The following MRTFB variants were observed in gnomAD, a reference collection of about 807,000 sequenced individuals.
The protein encoded by MRTFB is myocardin-related transcription factor B.
MRTFB carries 29 observed loss-of-function variants against 104.2 expected under a neutral mutation model. That is an observed-to-expected ratio of 0.28 (90% confidence interval 0.21 to 0.38). The LOEUF is 0.38. Among genes scored for constraint, MRTFB ranks in the 10% least tolerant of loss-of-function variants. MRTFB has a pLI of 1.00. For missense variants in MRTFB, 1,270 were observed against 1,341.6 expected, an observed-to-expected ratio of 0.95 and a Z score of 0.83; for synonymous variants, 535 against 519.5, an observed-to-expected ratio of 1.03 and a Z score of -0.41.
intron 8 of MRTFB, among the ~76,000 whole-genome samples, chr16:14,230,469 A>G (rs916712145): frequency 1.2e-4 from 19 of 152,116 alleles, no homozygotes; most frequent in African/African-American, 2.2e-4. Flanking sequence ...AAAAGTGGGC[A>G]AAGGACATGA....
the MRTFB span, among the ~76,000 whole-genome samples, chr16:13,997,645 T>C: frequency 7.1e-6 from 1 of 141,180 alleles, no homozygotes; most frequent in Non-Finnish European, 1.5e-5. Context: ...AAAAAAAAAA[T>C]AGCTGGGTAT....
chr16:13,998,454 G>A, the MRTFB span, among the ~76,000 whole-genome samples: 26 of 152,164 alleles, frequency 1.7e-4, no homozygotes, highest in African/African-American at 6.0e-4. Context: ...TTCAAGACCA[G>A]CATGGGCAAC....
chr16:14,044,751 A>C, the MRTFB span, among the ~76,000 whole-genome samples: 1 of 152,192 alleles, frequency 6.6e-6, no homozygotes, highest in Non-Finnish European at 1.5e-5. Context: ...TTGTCATTTC[A>C]GATTTCCTTC....
intron 10 of MRTFB, 127 bp downstream of exon 10, chr16:14,240,611 T>C (rs2042724466): frequency 1.4e-6 from 2 of 1,466,400 alleles, no homozygotes; most frequent in Non-Finnish European, 1.9e-6. Context: ...TTCTTTGTTA[T>C]CAGAGCTTAT....
intron 3 of MRTFB, among the ~76,000 whole-genome samples, chr16:14,146,701 TG>T (rs2038336982): frequency 6.6e-6 from 1 of 152,188 alleles, no homozygotes; most frequent in South Asian, 2.1e-4. Context: ...TGGCCTTTTT[TG>T]GGGGTTTCAC....
chr16:14,048,750 T>C, the MRTFB span, among the ~76,000 whole-genome samples: 1 of 152,222 alleles, frequency 6.6e-6, no homozygotes, highest in Non-Finnish European at 1.5e-5. Context: ...TGGGTAATGA[T>C]ACAGCTTTTC....
intron 1 of MRTFB, among the ~76,000 whole-genome samples, chr16:14,078,961 C>T (rs2034234880): frequency 1.3e-5 from 2 of 152,054 alleles, no homozygotes; most frequent in African/African-American, 2.4e-5. Flanking sequence ...GTTACTTACC[C>T]CAGATCACAC....
intron 2 of MRTFB, among the ~76,000 whole-genome samples, chr16:14,111,816 T>C (rs566378034): frequency 6.6e-6 from 1 of 152,230 alleles, no homozygotes; most frequent in South Asian, 2.1e-4. Flanking sequence ...TCACCCTCAA[T>C]TGATGGCTTT....
chr16:14,007,409 G>T, the MRTFB span, among the ~76,000 whole-genome samples: 6 of 152,166 alleles, frequency 3.9e-5, no homozygotes, highest in Non-Finnish European at 8.8e-5. Flanking sequence ...GCAGGGATCA[G>T]TTCTTCATTA....
At chr16:14,254,901 ACAG>A (rs2043413837) in intron 15 of MRTFB, among the ~76,000 whole-genome samples, 1 of 152,276 alleles carries the variant, frequency 6.6e-6, no homozygotes, top group Non-Finnish European at 1.5e-5. Context: ...AACTACTATT[ACAG>A]CTGTCCTCAG....
chr16:14,028,679 C>G, the MRTFB span, among the ~76,000 whole-genome samples: 1 of 152,156 alleles, frequency 6.6e-6, no homozygotes, highest in Non-Finnish European at 1.5e-5. Flanking sequence ...GGTTGGAGTC[C>G]CAACCGCAAC....
intron 3 of MRTFB, among the ~76,000 whole-genome samples, chr16:14,207,673 A>G (rs1403907714): frequency 3.3e-5 from 5 of 152,202 alleles, no homozygotes; most frequent in Non-Finnish European, 7.3e-5. Context: ...GTATACCTAG[A>G]GAGGGCATGG....
At chr16:14,117,223 G>A (rs1389936858) in intron 2 of MRTFB, among the ~76,000 whole-genome samples, 1 of 152,232 alleles carries the variant, frequency 6.6e-6, no homozygotes, top group African/African-American at 2.4e-5. Flanking sequence ...CAACCAGGAA[G>A]CATTTGTTAA....
intron 2 of MRTFB, among the ~76,000 whole-genome samples, chr16:14,112,708 G>T (rs1418816896): frequency 1.3e-5 from 2 of 152,198 alleles, no homozygotes; most frequent in East Asian, 3.9e-4. Context: ...TGCTTGGTGT[G>T]TTGAGCACAC....
At chr16:14,165,123 C>G (rs2039188284) in intron 3 of MRTFB, among the ~76,000 whole-genome samples, 1 of 151,592 alleles carries the variant, frequency 6.6e-6, no homozygotes, top group Non-Finnish European at 1.5e-5. Flanking sequence ...GCTTAGTTTC[C>G]TATCAGATGG....
intron 2 of MRTFB, among the ~76,000 whole-genome samples, chr16:14,133,896 A>G (rs747387669): frequency 3.3e-4 from 50 of 152,318 alleles, no homozygotes; most frequent in African/African-American, 1.1e-3. Context: ...TCAAACTGAA[A>G]AGACTTGGGT....
In MRTFB at chr16:14,261,180, C is replaced by A. The variant is rs141253883; in HGVS notation, c.3036C>A (p.Ile1012=). ...AAGACAGAGAGCCCTTCTCTCTGAT[C>A]GAGGACCTCCAGAATGATCTGCTGA... ...SSEDREPFSL[I]EDLQNDLLSH... The change falls in exon 17 of 17, where the codon ATC becomes ATA. Residue 1012 remains isoleucine (I), a synonymous_variant. Coordinates refer to ENST00000571589, the MANE Select transcript of MRTFB (RefSeq NM_001308142.2). The A allele has an allele frequency of 3.5e-4, 560 of 1,614,070 alleles. No individual in the cohort carries two copies. The highest frequency in any genetic ancestry group is 4.6e-4 in the Non-Finnish European group (541 of 1,180,038).
chr16:14,185,747 TG>T (rs2151028620), intron 3 of MRTFB, among the ~76,000 whole-genome samples: 1 of 152,024 alleles, frequency 6.6e-6, no homozygotes, highest in African/African-American at 2.4e-5. Context: ...TAACCTCTGA[TG>T]GGTTTTATGG....
In MRTFB at chr16:14,079,773, A is replaced by G. The variant is rs138672632; in HGVS notation, c.-64+419A>G. ...TGGGTTTTTTTTTACTATAATAATG[A>G]AAAAAATTTCTATCCGTATAAAACA... On this transcript the variant is annotated intron_variant, in intron 2 of 16. Transcript: ENST00000571589. 2.4e-3 allele frequency among the ~76,000 whole-genome samples: 367 copies of G among 152,200 alleles called. 3 individuals carry two copies. Among genetic ancestry groups the G allele is most frequent in the African/African-American group, 8.5e-3 (352 of 41,522 alleles).
Sources: allele counts gnomAD v4.1 joint callset (sites outside exome capture counted in the v4.1 genomes callset), GRCh38; gene constraint gnomAD v4.1.1; transcripts MANE v1.5; gene names NCBI Gene and HGNC (gene_info 2026-07-23, HGNC 2026-07-21).